Variants in FNDC3B observed in about 807,000 individuals in gnomAD.
FNDC3B encodes fibronectin type III domain-containing protein 3B.
FNDC3B carries 12 observed loss-of-function variants against 151.5 expected under a neutral mutation model. That is an observed-to-expected ratio of 0.08 (90% confidence interval 0.05 to 0.13). FNDC3B has a LOEUF of 0.13. Among genes scored for constraint, FNDC3B ranks in the 10% least tolerant of loss-of-function variants. FNDC3B has a pLI of 1.00. For synonymous variants in FNDC3B, 528 were observed against 549.0 expected (o/e 0.96, Z 0.54); for missense variants, 1,214 against 1,505.3 (o/e 0.81, Z 3.20).
chr3:172,104,419 A>G (rs768076336), intron 1 of FNDC3B, among the ~76,000 whole-genome samples: 40 of 148,346 alleles, frequency 2.7e-4, no homozygotes, highest in Non-Finnish European at 3.1e-4. Context: ...TTTTTTTTCC[A>G]AAGTTTTTTT....
intron 1 of FNDC3B, among the ~76,000 whole-genome samples, chr3:172,069,337 T>A (rs1717655897): frequency 6.6e-6 from 1 of 152,238 alleles, no homozygotes; most frequent in Non-Finnish European, 1.5e-5. Flanking sequence ...AGGTATTCAT[T>A]CATTTTATTT....
chr3:172,231,879 G>GTTTTTTTTTT (rs33956893), intron 4 of FNDC3B, among the ~76,000 whole-genome samples: 1 of 104,502 alleles, frequency 9.6e-6, no homozygotes, highest in Non-Finnish European at 1.8e-5. Context: ...TTTATTTACC[G>GTTTTTTTTTT]TTTTTTTTTT....
At chr3:172,227,400 T>G (rs1019548184) in intron 4 of FNDC3B, 2 of 153,444 alleles carry the variant, frequency 1.3e-5, no homozygotes, top group South Asian at 2.0e-4. Context: ...CTAGGCTTGG[T>G]GAGTTATTGA....
In FNDC3B at chr3:172,205,339, G is replaced by A. The variant is rs557420170; in HGVS notation, c.188-21532G>A. ...CCTGGCAACCATGGCTGCCATTGAT[G>A]TAATAGTAATGATCTCAGCTAGCCC... On this transcript the variant is annotated intron_variant, in intron 3 of 25. Transcript: ENST00000415807. Among the ~76,000 whole-genome samples, 5 of 152,268 alleles carry A rather than the reference G, an allele frequency of 3.3e-5. No individual in the cohort carries two copies. The East Asian group carries it at 9.6e-4, about 29-fold the overall frequency.
chr3:172,336,957 TA>T (rs1733008417), intron 15 of FNDC3B, among the ~76,000 whole-genome samples: 1 of 146,404 alleles, frequency 6.8e-6, no homozygotes, highest in African/African-American at 2.5e-5. Flanking sequence ...ATAAGTGAAA[TA>T]AAAAGAATAA....
chr3:172,084,882 T>G (rs1718471637), intron 1 of FNDC3B, among the ~76,000 whole-genome samples: 1 of 152,260 alleles, frequency 6.6e-6, no homozygotes, highest in South Asian at 2.1e-4. Context: ...TTATGTTCAT[T>G]GTTTCTTTCC....
chr3:172,303,731 A>C lies in FNDC3B; in HGVS notation c.1062-3632A>C, dbSNP rs550386600. Among the ~76,000 whole-genome samples, 8 of 152,304 alleles carry C rather than the reference A, an allele frequency of 5.3e-5. No homozygotes were observed. The East Asian group carries it at 1.3e-3, about 26-fold the overall frequency. ...AAACTCATTGCCATTATGTGGAAAA[A>C]AAAAAAATTGCAGTATTCTTTTAAA... On this transcript the variant is annotated intron_variant, in intron 9 of 25. Transcript: ENST00000415807.
intron 13 of FNDC3B, among the ~76,000 whole-genome samples, chr3:172,331,968 T>G (rs1418356169): frequency 6.6e-6 from 1 of 152,064 alleles, no homozygotes; most frequent in Non-Finnish European, 1.5e-5. Context: ...TATGGAGGGT[T>G]TGTGCTTGTT....
At chr3:172,383,917 C>G (rs1272393194) in intron 25 of FNDC3B, among the ~76,000 whole-genome samples, 3 of 152,072 alleles carry the variant, frequency 2.0e-5, no homozygotes, top group Non-Finnish European at 2.9e-5. Flanking sequence ...GAGGTGCATT[C>G]TTCGTCAGCA....
At chr3:172,302,009 C>G (rs1730933915) in intron 9 of FNDC3B, 1 of 152,158 alleles carries the variant, frequency 6.6e-6, no homozygotes, top group Non-Finnish European at 1.5e-5. Flanking sequence ...TCTTCCAACT[C>G]TTAATATTGC....
chr3:172,381,117 A>G (rs1489920799), intron 25 of FNDC3B, 24 bp downstream of exon 25: 6 of 1,611,904 alleles, frequency 3.7e-6, no homozygotes, highest in Non-Finnish European at 5.1e-6. Flanking sequence ...TGCATGGCAC[A>G]TGTGCAACTG....
chr3:172,153,271 G>T (rs921776578), intron 3 of FNDC3B, among the ~76,000 whole-genome samples: 3 of 151,860 alleles, frequency 2.0e-5, no homozygotes, highest in Non-Finnish European at 4.4e-5. Flanking sequence ...GGGGAACATT[G>T]AAAAACGGGG....
chr3:172,078,490 G>T (rs9290442), intron 1 of FNDC3B, among the ~76,000 whole-genome samples: 158 of 152,100 alleles, frequency 1.0e-3, no homozygotes, highest in African/African-American at 3.7e-3. Flanking sequence ...AATGTAGGTC[G>T]CTGCATCAGA....
At chr3:172,151,577 A>G (rs1034159198) in intron 3 of FNDC3B, among the ~76,000 whole-genome samples, 1 of 152,174 alleles carries the variant, frequency 6.6e-6, no homozygotes, top group East Asian at 1.9e-4. Context: ...TTTATTCCAG[A>G]TGTACAAGAA....
At chr3:172,120,582 G>T (rs1023025145) in intron 2 of FNDC3B, among the ~76,000 whole-genome samples, 1 of 151,872 alleles carries the variant, frequency 6.6e-6, no homozygotes, top group Non-Finnish European at 1.5e-5. Context: ...GGGGGTGTGT[G>T]TGTTGTTTTT....
chr3:172,109,257 C>T lies in FNDC3B; in HGVS notation c.-28-3195C>T, dbSNP rs938012117. On this transcript the variant is annotated intron_variant, in intron 1 of 25. Transcript: ENST00000415807. ...CTCGGCTCCCTGCAAGCTCCGCCTC[C>T]CGGGTTCACGCCATTCTCCTGCCTC... is the stretch of plus-strand genomic sequence containing the variant. 2.0e-5 allele frequency among the ~76,000 whole-genome samples: 3 copies of T among 151,430 alleles called. No homozygotes were observed. The South Asian group carries it at 6.2e-4, about 32-fold the overall frequency.
chr3:172,190,912 G>A (rs1296476688), intron 3 of FNDC3B, among the ~76,000 whole-genome samples: 3 of 152,056 alleles, frequency 2.0e-5, no homozygotes, highest in African/African-American at 4.8e-5. Flanking sequence ...CAGGTGATCC[G>A]CCTGCCTTGG....
chr3:172,282,720 A>G (rs1359908618), intron 6 of FNDC3B, among the ~76,000 whole-genome samples: 2 of 152,148 alleles, frequency 1.3e-5, no homozygotes, highest in East Asian at 3.8e-4. Flanking sequence ...ACACCCCACC[A>G]GTATCAACCC....
chr3:172,091,478 A>C lies in FNDC3B; in HGVS notation c.-28-20974A>C, dbSNP rs1222388118. Among the ~76,000 whole-genome samples, 4 of 152,192 alleles carry C rather than the reference A, an allele frequency of 2.6e-5. No homozygotes were observed. In the East Asian group the frequency reaches 7.7e-4, roughly 29 times the overall value. ...AAAAAATATGATTAGAAATTACAGA[A>C]GTCAGAATTTTAAAAATAGATTTAG... is the stretch of plus-strand genomic sequence containing the variant. On this transcript the variant is annotated intron_variant, in intron 1 of 25. Transcript: ENST00000415807.
Sources: gnomAD v4.1 joint callset for allele counts (sites outside exome capture counted in the v4.1 genomes callset) on GRCh38, gnomAD v4.1.1 for gene constraint, MANE v1.5 for transcripts, NCBI Gene and HGNC (gene_info 2026-07-23, HGNC 2026-07-21) for gene names.